The following KIAA1549 variants were observed in gnomAD, a reference collection of about 807,000 sequenced individuals.
KIAA1549 encodes the protein KIAA1549, also known as UPF0606 protein KIAA1549.
A neutral mutation model predicts 156.4 loss-of-function variants in KIAA1549; 70 were observed. The ratio of observed to expected loss-of-function variants is 0.45; its 90% CI spans 0.37 to 0.55. The LOEUF is 0.55. Among genes scored for constraint, KIAA1549 ranks in the 20% least tolerant of loss-of-function variants. The pLI is 0.00. For synonymous variants in KIAA1549, 1,103 were observed against 1,066.4 expected, an observed-to-expected ratio of 1.03 and a Z score of -0.67; for missense variants, 2,428 against 2,540.9, an observed-to-expected ratio of 0.96 and a Z score of 0.96.
At position 138,918,648 on chromosome 7, in the gene KIAA1549, G is replaced by T; in HGVS notation, c.978C>A (p.Thr326=). 6.2e-7 allele frequency: 1 copy of T among 1,613,750 alleles called. No individual in the cohort carries two copies. The highest frequency in any genetic ancestry group is 8.5e-7 in the Non-Finnish European group (1 of 1,179,890). Residue 326 remains threonine (T), a synonymous_variant, in exon 2 of 20, where the codon ACC becomes ACA. Coordinates refer to ENST00000422774, the MANE Select transcript of KIAA1549 (RefSeq NM_001164665.2). The surrounding 1 kb of genome is among the most constrained non-coding windows in gnomAD (Gnocchi z 4.2). The part of the protein sequence containing the change: ...ATSADRYTDV[T]TVLSQSLEET... ...CTTCTAGGCTTTGACTCAACACAGT[G>T]GTCACATCAGTGTATCTGTCTGCAC...
At chr7:138,840,107 T>C (rs1212215363) in intron 19 of KIAA1549, 26 bp downstream of exon 19, 1 of 1,539,836 alleles carries the variant, frequency 6.5e-7, no homozygotes, top group Non-Finnish European at 8.8e-7. Flanking sequence ...AAATTTTAAA[T>C]GATGACCCAA....
intron 10 of KIAA1549, among the ~76,000 whole-genome samples, chr7:138,886,542 G>A (rs989096980): frequency 5.3e-5 from 8 of 152,086 alleles, no homozygotes; most frequent in African/African-American, 1.2e-4. Flanking sequence ...TTCCCAAAGC[G>A]CTGGGACTAC....
At chr7:138,863,246 C>T (rs1312290937) in intron 15 of KIAA1549, among the ~76,000 whole-genome samples, 7 of 151,460 alleles carry the variant, frequency 4.6e-5, no homozygotes, top group Admixed American at 1.3e-4. Context: ...GAAGGGTGGG[C>T]GGCTTCTATC....
chr7:138,840,603 C>T (rs1001799875), intron 18 of KIAA1549, among the ~76,000 whole-genome samples: 2 of 152,134 alleles, frequency 1.3e-5, no homozygotes, highest in Non-Finnish European at 2.9e-5. Flanking sequence ...TTCTTGACCC[C>T]GTGACATTCA....
At chr7:138,909,212 T>C (rs1319474626) in intron 4 of KIAA1549, 91 bp from the exon 5 acceptor site, 1 of 1,283,806 alleles carries the variant, frequency 7.8e-7, no homozygotes, top group Non-Finnish European at 1.1e-6. Context: ...CGTATCTAAA[T>C]CAACCAATTC....
At chr7:138,841,173 T>C (rs1809905682) in intron 18 of KIAA1549, among the ~76,000 whole-genome samples, 1 of 152,214 alleles carries the variant, frequency 6.6e-6, no homozygotes, top group Non-Finnish European at 1.5e-5. Context: ...GGAGCCACCA[T>C]GAAGCTGAAG....
chr7:138,895,318 A>G (rs1443102227), intron 9 of KIAA1549, among the ~76,000 whole-genome samples: 5 of 152,216 alleles, frequency 3.3e-5, no homozygotes, highest in African/African-American at 1.2e-4. Flanking sequence ...AAAAATGACA[A>G]AGAGATGCTG....
intron 1 of KIAA1549, among the ~76,000 whole-genome samples, chr7:138,962,964 T>C (rs1272083068): frequency 6.6e-6 from 1 of 152,188 alleles, no homozygotes; most frequent in Non-Finnish European, 1.5e-5. Flanking sequence ...TCCTCTACAA[T>C]AGCACTTCAC....
At position 138,861,264 on chromosome 7, in the gene KIAA1549, C is replaced by A. The variant is rs773867004; in HGVS notation, c.5122G>T (p.Ala1708Ser). The change falls in exon 16 of 20, where the codon GCA becomes TCA. Residue 1708 changes from alanine (A) to serine (S), a missense_variant. By Grantham distance (99) the Ala-to-Ser change is moderately conservative. Around this residue, in one of 5 missense-constraint regions of KIAA1549, gnomAD observed 363 missense variants for 354.0 expected, o/e 1.03. Coordinates refer to ENST00000422774, the MANE Select transcript of KIAA1549 (RefSeq NM_001164665.2). ...GGTGGGACTCCGGGGCCTACACCTG[C>A]GGTGCTGGCAGGCTGGCTGCTGGGG... is the stretch of plus-strand genomic sequence containing the variant. The part of the protein sequence containing the change: ...VAPSSQPAST[A>S]GVGPGVPPGL... 1.2e-6 allele frequency: 2 copies of A among 1,609,104 alleles called. No homozygotes were observed. Among genetic ancestry groups the A allele is most frequent in the Non-Finnish European group, 1.7e-6 (2 of 1,178,646 alleles).
At chr7:138,927,714 T>C (rs1422601142) in intron 1 of KIAA1549, among the ~76,000 whole-genome samples, 1 of 152,236 alleles carries the variant, frequency 6.6e-6, no homozygotes, top group Non-Finnish European at 1.5e-5. Context: ...TCAAAGTCGT[T>C]GAACCAATCT....
At chr7:138,969,712 C>T (rs1351014772) in intron 1 of KIAA1549, among the ~76,000 whole-genome samples, 1 of 152,152 alleles carries the variant, frequency 6.6e-6, no homozygotes, top group Non-Finnish European at 1.5e-5. Flanking sequence ...CCTGCCTCAG[C>T]CTCCCAAGTA....
chr7:138,921,112 A>G (rs1469731396), intron 1 of KIAA1549, among the ~76,000 whole-genome samples: 2 of 152,216 alleles, frequency 1.3e-5, no homozygotes, highest in African/African-American at 4.8e-5. Context: ...CTAGATAAGG[A>G]AAGAACCCAA....
intron 2 of KIAA1549, among the ~76,000 whole-genome samples, chr7:138,913,999 G>A (rs1006163671): frequency 2.2e-5 from 3 of 136,900 alleles, no homozygotes; most frequent in African/African-American, 8.0e-5. Context: ...AGAGGAGGGA[G>A]AAGGAAAGAA....
Position 138,837,016 on chromosome 7 carries a change from T to G in KIAA1549, c.*890A>C, listed in dbSNP as rs1809728430. On this transcript the variant is annotated 3_prime_UTR_variant, in exon 20 of 20. Transcript: ENST00000422774. Reference sequence around the variant, plus strand: ...AGTTAGGACCTCTTGAAAGCCGCATTCTACAGGATCGGCCTTAGCGATCGG... The same window carrying G: ...AGTTAGGACCTCTTGAAAGCCGCATGCTACAGGATCGGCCTTAGCGATCGG... 3 of 229,254 alleles carry G rather than the reference T, an allele frequency of 1.3e-5. No individual in the cohort carries two copies. The South Asian group carries it at 5.5e-4, about 42-fold the overall frequency. 14.2% of individuals were successfully genotyped at this position (229,254 alleles called of 1,614,324 possible). A position where few individuals can be genotyped will look rare whatever the true frequency, so the allele number is the denominator to read the frequency against.
In KIAA1549 at chr7:138,899,101, T is replaced by C. The variant is rs776658001; in HGVS notation, c.3701A>G (p.Asp1234Gly). ...AAAGTAGATGAGCTGTACCGGATTGTCATCTCCCTCCAGCCTCGACACATT... is the reference window on the plus strand; with the variant it reads ...AAAGTAGATGAGCTGTACCGGATTGCCATCTCCCTCCAGCCTCGACACATT... ...VVNVSRLEGDDNPVQLIYFVE... is the reference protein window; with the variant it reads ...VVNVSRLEGDGNPVQLIYFVE... Residue 1234 changes from aspartate (D) to glycine (G), a missense_variant, in exon 9 of 20, where the codon GAC becomes GGC. By Grantham distance (94) the Asp-to-Gly change is moderately conservative. Around this residue, in one of 5 missense-constraint regions of KIAA1549, gnomAD observed 762 missense variants for 901.6 expected, o/e 0.85. Coordinates refer to ENST00000422774, the MANE Select transcript of KIAA1549 (RefSeq NM_001164665.2). The C allele has an allele frequency of 5.6e-6, 9 of 1,613,732 alleles. No homozygotes were observed. The highest frequency in any genetic ancestry group is 2.5e-6 in the Non-Finnish European group (3 of 1,179,780).
At chr7:138,880,172 G>A (rs559409287) in intron 11 of KIAA1549, among the ~76,000 whole-genome samples, 13 of 152,298 alleles carry the variant, frequency 8.5e-5, no homozygotes, top group African/African-American at 2.9e-4. Flanking sequence ...TTGCACCAGG[G>A]AAAATTCCTT....
chr7:138,881,047 G>C (rs1285541537), intron 11 of KIAA1549, among the ~76,000 whole-genome samples: 1 of 152,148 alleles, frequency 6.6e-6, no homozygotes, highest in Non-Finnish European at 1.5e-5. Context: ...TGTTATTTCT[G>C]ATATTATCTC....
chr7:138,836,568 C>T lies in KIAA1549; in HGVS notation c.*1338G>A. On this transcript the variant is annotated 3_prime_UTR_variant, in exon 20 of 20. Coordinates refer to ENST00000422774, the MANE Select transcript of KIAA1549 (RefSeq NM_001164665.2). ...AAGCCTGCTTTTCTTCTGAGTTTCA[C>T]TCAGGTACCAGAAAACAGAACAGCC... 9.2e-6 allele frequency: 2 copies of T among 218,472 alleles called. No homozygotes were observed. The highest frequency in any genetic ancestry group is 1.4e-4 in the East Asian group (2 of 14,720). The allele number at this position is 218,472 out of a possible 1,614,324, so 13.5% of individuals were successfully genotyped here.
chr7:138,911,157 T>C lies in KIAA1549; in HGVS notation c.3134A>G (p.Gln1045Arg). The C allele has an allele frequency of 6.3e-7, 1 of 1,588,076 alleles. No homozygotes were observed. The highest frequency in any genetic ancestry group is 1.2e-5 in the South Asian group (1 of 84,832). The change falls in exon 4 of 20, where the codon CAA becomes CGA. Residue 1045 changes from glutamine to arginine, a missense_variant. Physicochemically the swap from Gln to Arg is conservative, Grantham distance 43. Coordinates refer to ENST00000422774, the MANE Select transcript of KIAA1549 (RefSeq NM_001164665.2). The stretch of plus-strand genomic sequence containing the variant: ...CTGAGCTGTCTCACCTGTTTGAACT[T>C]GGAACCTGGACTCTGGCACAAGGAA... ...PSFLVPESRF[Q>R]VQTVLQFVPP...
Sources: allele counts gnomAD v4.1 joint callset (sites outside exome capture counted in the v4.1 genomes callset), GRCh38; gene constraint gnomAD v4.1.1; regional missense constraint gnomAD v4.1.1; non-coding constraint Gnocchi (gnomAD v3.1); transcripts MANE v1.5; gene names NCBI Gene and HGNC (gene_info 2026-07-23, HGNC 2026-07-21).